PHLDB1: variants seen among roughly 807,000 people sequenced by gnomAD.
PHLDB1 encodes the protein pleckstrin homology like domain family B member 1, also known as pleckstrin homology-like domain family B member 1.
A neutral mutation model predicts 139.3 loss-of-function variants in PHLDB1; 65 were observed. That is an observed-to-expected ratio of 0.47 (90% CI 0.38 to 0.57). PHLDB1 has a LOEUF of 0.57. Ranked by LOEUF, PHLDB1 falls within the 20% of genes least tolerant of loss-of-function variation. The pLI, the probability that PHLDB1 is intolerant of heterozygous loss-of-function variation, is 0.00. For synonymous variants in PHLDB1, 679 were observed against 734.5 expected, an observed-to-expected ratio of 0.92 and a Z score of 1.22; for missense variants, 1,624 against 1,839.7, an observed-to-expected ratio of 0.88 and a Z score of 2.14.
At chr11:118,624,762 A>T (rs1555099132) in intron 4 of PHLDB1, 172 bp from the exon 5 acceptor site, 3 of 603,688 alleles carry the variant, frequency 5.0e-6, no homozygotes, top group African/African-American at 3.7e-5. Context: ...GGCGTCCACC[A>T]CCACACCCGG....
Position 118,643,635 on chromosome 11 carries a change from A to G in PHLDB1, c.2878-165A>G, listed in dbSNP as rs572063200. 8.6e-5 allele frequency: 85 copies of G among 985,446 alleles called. No homozygotes were observed. In the African/African-American group the frequency reaches 1.3e-3, roughly 15 times the overall value. The allele number at this position is 985,446 out of a possible 1,614,324, so 61.0% of individuals were successfully genotyped here. A position where few individuals can be genotyped will look rare whatever the true frequency, so the allele number is the denominator to read the frequency against. On this transcript the variant is annotated intron_variant, in intron 13 of 22. Coordinates refer to ENST00000600882, the MANE Select transcript of PHLDB1 (RefSeq NM_001144758.3). ...TGGAAAGGAGAATTGGCAGCTGCCA[A>G]TAGCATCTGGCCATTGGGCTGGCTC... is the stretch of plus-strand genomic sequence containing the variant.
chr11:118,629,939 C>T lies in PHLDB1; in HGVS notation c.1828-1268C>T, dbSNP rs1484564963. 3.4e-5 allele frequency: 40 copies of T among 1,172,802 alleles called. No homozygotes were observed. In the Admixed American group the frequency reaches 6.9e-4, roughly 20 times the overall value. The allele number at this position is 1,172,802 out of a possible 1,614,324, so 72.6% of individuals were successfully genotyped here. On this transcript the variant is annotated intron_variant, in intron 6 of 22. Transcript: ENST00000600882. The stretch of plus-strand genomic sequence containing the variant: ...AGTCTTGGAGGCTGCCCGCCCTGCC[C>T]CTCCCACCTCAACCAGGCTGCTTAT...
chr11:118,626,244 CT>C (rs375550791), intron 5 of PHLDB1, among the ~76,000 whole-genome samples: 392 of 143,932 alleles, frequency 2.7e-3, no homozygotes, highest in Middle Eastern at 3.6e-3. Context: ...TTTTCTTTTT[CT>C]TTTTTTTTTT....
intron 20 of PHLDB1, chr11:118,654,930 C>G (rs1311442577): frequency 1.3e-5 from 2 of 152,066 alleles, no homozygotes; most frequent in African/African-American, 4.8e-5. Flanking sequence ...GTTGGCCAGG[C>G]TGGTCTCGAA....
At chr11:118,623,130 T>C (rs1555096684) in intron 4 of PHLDB1, among the ~76,000 whole-genome samples, 1 of 152,224 alleles carries the variant, frequency 6.6e-6, no homozygotes, top group African/African-American at 2.4e-5. Flanking sequence ...CTGCCTGAGC[T>C]GAACTGTCTC....
chr11:118,613,165 T>C, intron 1 of PHLDB1: 1 of 407,992 alleles, frequency 2.5e-6, no homozygotes, highest in Non-Finnish European at 3.3e-6. Flanking sequence ...TTTTTGTTTT[T>C]AATTAAAAAA....
intron 12 of PHLDB1, 199 bp from the exon 13 acceptor site, chr11:118,642,053 TTC>T (rs1946620317): frequency 3.4e-6 from 2 of 587,878 alleles, no homozygotes; most frequent in Non-Finnish European, 6.2e-6. Flanking sequence ...ATGCTCTCCT[TTC>T]TCCCTTCCTT....
In PHLDB1 at chr11:118,620,393, G is replaced by A. The variant is rs1387371251; in HGVS notation, c.355+4182G>A. On this transcript the variant is annotated intron_variant, in intron 4 of 22. Coordinates refer to ENST00000600882, the MANE Select transcript of PHLDB1 (RefSeq NM_001144758.3). The surrounding 1 kb of genome is among the most constrained non-coding windows in gnomAD (Gnocchi z 4.1). ...CCTGTAGTCCCAGCTATGGGAGGCT[G>A]AGGCAGGAGAATCGCTTGAACCCCG... Among the ~76,000 whole-genome samples the A allele has an allele frequency of 1.3e-5, 2 of 152,244 alleles. No homozygotes were observed. The highest frequency in any genetic ancestry group is 4.8e-5 in the African/African-American group (2 of 41,466).
At position 118,627,718 on chromosome 11, in the gene PHLDB1, C is replaced by A. The variant is rs1414340553; in HGVS notation, c.895C>A (p.Pro299Thr). The A allele has an allele frequency of 1.7e-5, 27 of 1,610,038 alleles. No individual in the cohort carries two copies. The highest frequency in any genetic ancestry group is 2.3e-5 in the Non-Finnish European group (27 of 1,180,000). Reference protein sequence around the residue: ...SSSYHLALQPPQSRPSGARSE... With the variant: ...SSSYHLALQPTQSRPSGARSE... ...CAGCTACCATCTGGCCCTACAGCCC[C>A]CACAGTCCCGCCCAAGTGGTGCTCG... The change falls in exon 6 of 23, where the codon CCA becomes ACA. Residue 299 changes from proline (P) to threonine (T), a missense_variant. Coordinates refer to ENST00000600882, the MANE Select transcript of PHLDB1 (RefSeq NM_001144758.3).
At chr11:118,649,998 G>A (rs1487965479) in intron 18 of PHLDB1, 79 bp from the exon 19 acceptor site, 3 of 1,046,226 alleles carry the variant, frequency 2.9e-6, no homozygotes, top group Non-Finnish European at 4.5e-6. Context: ...TTGGGGTTTA[G>A]AAGTGAAGCC....
chr11:118,643,309 G>A (rs1443073740), intron 13 of PHLDB1, among the ~76,000 whole-genome samples: 3 of 152,220 alleles, frequency 2.0e-5, no homozygotes, highest in African/African-American at 7.2e-5. Flanking sequence ...TGCCACGTCA[G>A]GGTTTGTGAC....
At chr11:118,638,842 G>A (rs1555117422) in intron 10 of PHLDB1, 49 bp from the exon 11 acceptor site, 2 of 1,416,226 alleles carry the variant, frequency 1.4e-6, no homozygotes, top group Non-Finnish European at 1.9e-6. Context: ...CTCACCTTGG[G>A]CTCAGCCCTG....
At chr11:118,643,442 C>G (rs1041286575) in intron 13 of PHLDB1, 8 of 880,004 alleles carry the variant, frequency 9.1e-6, no homozygotes, top group Admixed American at 6.2e-5. Context: ...GTGTGTGGCC[C>G]AAGGTCACAC....
At position 118,645,659 on chromosome 11, in the gene PHLDB1, G is replaced by C. The variant is rs781916330; in HGVS notation, c.3416+9G>C. On this transcript the variant is annotated intron_variant, in intron 16 of 22. Transcript: ENST00000600882. The surrounding 1 kb of genome is among the most constrained non-coding windows in gnomAD (Gnocchi z 5.1). ...CCTGACAACATGTCCAGGTACACCC[G>C]ACGCCTGGGCCCGCAGCCTCCCTCA... is the stretch of plus-strand genomic sequence containing the variant. The C allele has an allele frequency of 6.2e-7, 1 of 1,613,488 alleles. No individual in the cohort carries two copies. The highest frequency in any genetic ancestry group is 8.5e-7 in the Non-Finnish European group (1 of 1,179,542).
At chr11:118,641,844 TTGCTCC>T in intron 12 of PHLDB1, 1 of 1,222,610 alleles carries the variant, frequency 8.2e-7, no homozygotes, top group East Asian at 5.6e-5. Flanking sequence ...TGTGTGTGTT[TTGCTCC>T]TGCTCACCTG....
intron 15 of PHLDB1, chr11:118,644,925 A>T: frequency 3.7e-6 from 1 of 268,684 alleles, no homozygotes; most frequent in South Asian, 3.5e-5. Flanking sequence ...TCTGCATTGC[A>T]GGGGGGTCTG....
chr11:118,623,755 A>C (rs1591531037), intron 4 of PHLDB1, among the ~76,000 whole-genome samples: 1 of 149,170 alleles, frequency 6.7e-6, no homozygotes, highest in Non-Finnish European at 1.5e-5. Context: ...TTTTTTTGTG[A>C]CCCTGGAAGT....
In PHLDB1 at chr11:118,611,474, G is replaced by A. The variant is rs1330046828; in HGVS notation, c.-21-2342G>A. 2.0e-5 allele frequency among the ~76,000 whole-genome samples: 3 copies of A among 152,104 alleles called. No individual in the cohort carries two copies. The highest frequency in any genetic ancestry group is 4.4e-5 in the Non-Finnish European group (3 of 68,022). On this transcript the variant is annotated intron_variant, in intron 1 of 22. Transcript: ENST00000600882. This position sits in a 1 kb window ranked among gnomAD's most constrained non-coding sequence, Gnocchi z 4.7. ...TGAGCACACCACAGCTGCCCCACAC[G>A]GCGATAGTGACCAATACTCCAATAT... is the stretch of plus-strand genomic sequence containing the variant.
rs1947049279 is a variant in PHLDB1, at chr11:118,644,080, A to T, written c.3027A>T (p.Leu1009=). 1 of 1,613,662 alleles carries T rather than the reference A, an allele frequency of 6.2e-7. No individual in the cohort carries two copies. Among genetic ancestry groups the T allele is most frequent in the African/African-American group, 1.3e-5 (1 of 74,976 alleles). The change falls in exon 15 of 23, where the codon CTA becomes CTT. Residue 1009 remains leucine (L), a synonymous_variant. Coordinates refer to ENST00000600882, the MANE Select transcript of PHLDB1 (RefSeq NM_001144758.3). The part of the protein sequence containing the change: ...LGRSPSPKSA[L]LTQNGTGSLP... ...TCTCCATTCCTCTGCAGAGCGCTCT[A>T]CTCACCCAGAATGGCACGGGCAGCC...
Sources: allele counts gnomAD v4.1 joint callset (sites outside exome capture counted in the v4.1 genomes callset), GRCh38; gene constraint gnomAD v4.1.1; non-coding constraint Gnocchi (gnomAD v3.1); transcripts MANE v1.5; gene names NCBI Gene and HGNC (gene_info 2026-07-23, HGNC 2026-07-21).